The following CDADC1 variants were observed in gnomAD, a reference collection of about 807,000 sequenced individuals.
CDADC1 encodes the protein cytidine and dCMP deaminase domain containing 1.
CDADC1 carries 39 observed loss-of-function variants against 54.9 expected under a neutral mutation model. The observed-to-expected ratio is 0.71, with a 90% CI of 0.55 to 0.93. The LOEUF (loss-of-function observed/expected upper bound fraction) is 0.93, where lower values mean the gene tolerates loss of function less well. Among genes scored for constraint, CDADC1 ranks in the 40% least tolerant of loss-of-function variants. The pLI is 0.00. For missense variants in CDADC1, 518 were observed against 618.8 expected, an observed-to-expected ratio of 0.84 and a Z score of 1.73; for synonymous variants, 186 against 204.0, an observed-to-expected ratio of 0.91 and a Z score of 0.75.
chr13:49,265,339 C>G (rs1952792044), intron 4 of CDADC1, among the ~76,000 whole-genome samples: 2 of 152,088 alleles, frequency 1.3e-5, no homozygotes, highest in South Asian at 4.1e-4. Flanking sequence ...CCACTGAAGC[C>G]CATCCATGAA....
chr13:49,279,724 G>A (rs1316016647), intron 7 of CDADC1, among the ~76,000 whole-genome samples: 2 of 152,174 alleles, frequency 1.3e-5, no homozygotes, highest in African/African-American at 4.8e-5. Flanking sequence ...AAGGAAGATG[G>A]ATGTGGAAGG....
At chr13:49,249,111 T>C (rs561325972) in intron 2 of CDADC1, 146 bp downstream of exon 2, 1 of 603,996 alleles carries the variant, frequency 1.7e-6, no homozygotes, top group East Asian at 2.8e-5. Flanking sequence ...TGACACTTTA[T>C]AATTCCCAGC....
intron 8 of CDADC1, 107 bp downstream of exon 8, chr13:49,280,805 A>AATTATTATTATT (rs10626538): frequency 0.062 from 14,034 of 228,116 alleles, 611 homozygotes; most frequent in African/African-American, 0.097. Context: ...AGTTTCAACA[A>AATTATTATTATT]ATTATTATTA....
intron 6 of CDADC1, among the ~76,000 whole-genome samples, chr13:49,275,170 C>G (rs1953072629): frequency 6.6e-6 from 1 of 150,882 alleles, no homozygotes; most frequent in Admixed American, 6.6e-5. Context: ...ACTGCAACCT[C>G]TGCCTCCTGG....
intron 4 of CDADC1, among the ~76,000 whole-genome samples, chr13:49,266,625 G>A (rs1952822290): frequency 6.6e-6 from 1 of 152,122 alleles, no homozygotes; most frequent in Non-Finnish European, 1.5e-5. Context: ...TTTGATAACT[G>A]TTTTATTATG....
rs923757412 is a variant in CDADC1 at position 49,267,666 on chromosome 13, G to A, written c.607G>A (p.Val203Ile). The A allele has an allele frequency of 6.2e-7, 1 of 1,614,052 alleles. No individual in the cohort carries two copies. The highest frequency in any genetic ancestry group is 1.3e-5 in the African/African-American group (1 of 75,050). Residue 203 changes from valine (V) to isoleucine (I), a missense_variant, in exon 5 of 10, where the codon GTA (valine) becomes ATA (isoleucine). Physicochemically the swap from Val to Ile is conservative, Grantham distance 29. Transcript: ENST00000251108. The part of the protein sequence containing the change: ...QPLVCYMVQF[V>I]EETSYKCDFI... ...TTTGGTGTGTTATATGGTGCAGTTT[G>A]TAGAGGAGACCTCTTACAAATGTGA...
rs926231962 is a variant in CDADC1 at position 49,274,176 on chromosome 13, G to A, written c.1001-115G>A. ...TGTAATTAGTGAAGATACAAGGATT[G>A]CTGCTACATTTATGAAGTATGTTTC... On this transcript the variant is annotated intron_variant, in intron 5 of 9. Coordinates refer to ENST00000251108, the MANE Select transcript of CDADC1 (RefSeq NM_030911.4). 5.6e-6 allele frequency: 4 copies of A among 718,072 alleles called. No individual in the cohort carries two copies. In the African/African-American group the frequency reaches 7.3e-5, roughly 13 times the overall value. The allele number at this position is 718,072 out of a possible 1,614,324, so 44.5% of individuals were successfully genotyped here.
At chr13:49,281,336 A>G (rs1343107795) in intron 8 of CDADC1, among the ~76,000 whole-genome samples, 6 of 152,234 alleles carry the variant, frequency 3.9e-5, no homozygotes, top group African/African-American at 1.4e-4. Flanking sequence ...TGGCTTAGAG[A>G]GGTGGATAGA....
At position 49,292,461 on chromosome 13, in the gene CDADC1, AT is replaced by A. The variant is rs1953739756; in HGVS notation, c.*705del. On this transcript the variant is annotated 3_prime_UTR_variant, in exon 10 of 10. Transcript: ENST00000251108. ...CTAACAGTGAACCTCAAATTTGGTT[AT>A]GATGTTAACAGAGAAGAAATATTTG... 1 of 1,016,026 alleles carries A rather than the reference AT, an allele frequency of 9.8e-7. No individual in the cohort carries two copies. The highest frequency in any genetic ancestry group is 1.2e-6 in the Non-Finnish European group (1 of 848,400). 62.9% of individuals were successfully genotyped at this position (1,016,026 alleles called of 1,614,324 possible).
intron 5 of CDADC1, among the ~76,000 whole-genome samples, chr13:49,272,239 A>T (rs1952985943): frequency 6.6e-6 from 1 of 152,266 alleles, no homozygotes; most frequent in African/African-American, 2.4e-5. Flanking sequence ...TTATGCATAA[A>T]TTAAATAAAA....
At chr13:49,288,413 C>G (rs1953588294) in intron 9 of CDADC1, among the ~76,000 whole-genome samples, 1 of 152,168 alleles carries the variant, frequency 6.6e-6, no homozygotes, top group Non-Finnish European at 1.5e-5. Context: ...AATTTCAGAA[C>G]ATTTTCATTA....
intron 2 of CDADC1, among the ~76,000 whole-genome samples, chr13:49,253,794 G>T (rs151110294): frequency 6.6e-6 from 1 of 152,052 alleles, no homozygotes; most frequent in African/African-American, 2.4e-5. Context: ...CAGTCCACCC[G>T]CCTCAGCCTC....
Position 49,292,572 on chromosome 13 carries a change from C to T in CDADC1, c.*815C>T. On this transcript the variant is annotated 3_prime_UTR_variant, in exon 10 of 10. Coordinates refer to ENST00000251108, the MANE Select transcript of CDADC1 (RefSeq NM_030911.4). ...ATAGTCTTCCCTTCTGTATAATTAACATAGGTTGTCTCATGGCTTTGATCT... is the reference window on the plus strand; with the variant it reads ...ATAGTCTTCCCTTCTGTATAATTAATATAGGTTGTCTCATGGCTTTGATCT... 1 of 1,152,852 alleles carries T rather than the reference C, an allele frequency of 8.7e-7. No individual in the cohort carries two copies. 71.4% of individuals were successfully genotyped at this position (1,152,852 alleles called of 1,614,324 possible).
chr13:49,292,968 C>A lies in CDADC1; in HGVS notation c.*1211C>A. On this transcript the variant is annotated 3_prime_UTR_variant, in exon 10 of 10. Coordinates refer to ENST00000251108, the MANE Select transcript of CDADC1 (RefSeq NM_030911.4). ...CTCCATGCCAGGGCTGTGACTGCAG[C>A]CTGTGTAGGACCATGGGGAGTTCAG... 2.8e-6 allele frequency: 1 copy of A among 361,266 alleles called. No individual in the cohort carries two copies. 22.4% of individuals were successfully genotyped at this position (361,266 alleles called of 1,614,324 possible).
At chr13:49,278,936 A>G (rs1486425253) in intron 7 of CDADC1, among the ~76,000 whole-genome samples, 4 of 152,200 alleles carry the variant, frequency 2.6e-5, no homozygotes, top group Non-Finnish European at 5.9e-5. Flanking sequence ...TTCCCATAAG[A>G]TTATAACAGA....
At chr13:49,254,472 G>A (rs982827928) in intron 2 of CDADC1, among the ~76,000 whole-genome samples, 8 of 150,298 alleles carry the variant, frequency 5.3e-5, no homozygotes, top group Admixed American at 1.3e-4. Flanking sequence ...GCGTGATCTC[G>A]GCTCACTGCA....
chr13:49,251,696 T>C (rs1392632152), intron 2 of CDADC1, among the ~76,000 whole-genome samples: 1 of 152,212 alleles, frequency 6.6e-6, no homozygotes, highest in African/African-American at 2.4e-5. Context: ...TCATACTATA[T>C]AGAGAAAGCT....
At chr13:49,256,043 G>T (rs1593793227) in intron 3 of CDADC1, 130 bp downstream of exon 3, 8 of 1,240,070 alleles carry the variant, frequency 6.5e-6, no homozygotes, top group East Asian at 3.2e-5. Flanking sequence ...AAAATGGTCT[G>T]TATATTTACA....
At chr13:49,277,336 T>A (rs1953175127) in intron 6 of CDADC1, among the ~76,000 whole-genome samples, 1 of 151,786 alleles carries the variant, frequency 6.6e-6, no homozygotes, top group Non-Finnish European at 1.5e-5. Context: ...CCAGGCATAG[T>A]GACATACGCC....
Sources: gnomAD v4.1 joint callset for allele counts (sites outside exome capture counted in the v4.1 genomes callset) on GRCh38, gnomAD v4.1.1 for gene constraint, MANE v1.5 for transcripts, NCBI Gene and HGNC (gene_info 2026-07-23, HGNC 2026-07-21) for gene names.